The following RALGAPA1 variants were observed in gnomAD, a reference collection of about 807,000 sequenced individuals.
RALGAPA1 encodes Ral GTPase activating protein catalytic subunit alpha 1.
A neutral mutation model predicts 269.6 loss-of-function variants in RALGAPA1; 52 were observed. That is an observed-to-expected ratio of 0.19 (90% CI 0.15 to 0.24). The LOEUF is 0.24. Ranked by LOEUF, RALGAPA1 falls within the 10% of genes least tolerant of loss-of-function variation. RALGAPA1 has a pLI of 1.00. For synonymous variants in RALGAPA1, 817 were observed against 1,008.3 expected, an observed-to-expected ratio of 0.81 and a Z score of 3.60; for missense variants, 1,917 against 3,013.9, an observed-to-expected ratio of 0.64 and a Z score of 8.52.
chr14:35,710,762 A>G (rs1326631003), intron 16 of RALGAPA1, among the ~76,000 whole-genome samples: 1 of 152,148 alleles, frequency 6.6e-6, no homozygotes, highest in African/African-American at 2.4e-5. Context: ...GGATTATAAT[A>G]CTTTATTTTT....
chr14:35,589,728 T>C (rs1338877664), intron 37 of RALGAPA1, among the ~76,000 whole-genome samples: 1 of 152,148 alleles, frequency 6.6e-6, no homozygotes, highest in East Asian at 1.9e-4. Flanking sequence ...TGAGACAGTG[T>C]TTCACTCTGT....
chr14:35,697,198 G>T (rs2066970366), intron 17 of RALGAPA1, among the ~76,000 whole-genome samples: 1 of 152,120 alleles, frequency 6.6e-6, no homozygotes, highest in African/African-American at 2.4e-5. Context: ...ATGTAAACTG[G>T]TAGAAGATTA....
chr14:35,595,249 A>ATGGTATT (rs1030039310), intron 37 of RALGAPA1, among the ~76,000 whole-genome samples: 2 of 152,012 alleles, frequency 1.3e-5, no homozygotes, highest in Admixed American at 1.3e-4. Flanking sequence ...TAAAAATTGT[A>ATGGTATT]TGGTATTTGG....
chr14:35,718,703 C>A (rs2069082949), intron 16 of RALGAPA1, among the ~76,000 whole-genome samples: 1 of 152,034 alleles, frequency 6.6e-6, no homozygotes, highest in African/African-American at 2.4e-5. Context: ...GTAGTCCCAG[C>A]TACTTGGGAG....
chr14:35,766,303 C>T (rs1463455849), intron 4 of RALGAPA1: 20 of 957,148 alleles, frequency 2.1e-5, no homozygotes, highest in Non-Finnish European at 2.9e-5. Context: ...ACGGATTCTA[C>T]CACAGCACAG....
rs762035726 is a variant in RALGAPA1 at position 35,595,757 on chromosome 14, T to A, written c.7086A>T (p.Gly2362=). 1 of 1,612,566 alleles carries A rather than the reference T, an allele frequency of 6.2e-7. No homozygotes were observed. Among genetic ancestry groups the A allele is most frequent in the Non-Finnish European group, 8.5e-7 (1 of 1,179,040 alleles). ...VNLTNHCGFM[G]GLQKNKSTGL... is the part of the protein sequence containing the mutation. The stretch of plus-strand genomic sequence containing the variant: ...CAGTGCTTTTGTTTTTTTGTAGTCC[T>A]CCCATAAAACCACAATGGTTTGTAA... Residue 2362 remains glycine (G), a synonymous_variant, in exon 37 of 42, where the codon GGA becomes GGT. Coordinates refer to ENST00000680220, the MANE Select transcript of RALGAPA1 (RefSeq NM_001346249.2).
chr14:35,767,547 G>C (rs142617597), intron 4 of RALGAPA1, among the ~76,000 whole-genome samples: 2 of 151,990 alleles, frequency 1.3e-5, no homozygotes, highest in Non-Finnish European at 2.9e-5. Context: ...TTAGCCGGGC[G>C]TGGTGGCATG....
At chr14:35,682,586 G>A (rs2140361812) in intron 21 of RALGAPA1, among the ~76,000 whole-genome samples, 1 of 152,278 alleles carries the variant, frequency 6.6e-6, no homozygotes, top group South Asian at 2.1e-4. Flanking sequence ...GATTACAGGT[G>A]TGAGCCACCA....
chr14:35,595,904 A>T (rs555973875), intron 36 of RALGAPA1, 115 bp from the exon 37 acceptor site: 7 of 706,904 alleles, frequency 9.9e-6, no homozygotes, highest in African/African-American at 9.0e-5. Flanking sequence ...TTTGCATGTT[A>T]TCAACCAATA....
chr14:35,540,966 A>G (rs2053912555), intron 41 of RALGAPA1, among the ~76,000 whole-genome samples: 1 of 152,100 alleles, frequency 6.6e-6, no homozygotes, highest in South Asian at 2.1e-4. Context: ...ACAAAAACAA[A>G]AAGTTCAGTA....
intron 30 of RALGAPA1, among the ~76,000 whole-genome samples, chr14:35,652,530 G>C (rs538773732): frequency 6.6e-6 from 1 of 152,166 alleles, no homozygotes; most frequent in South Asian, 2.1e-4. Flanking sequence ...TCAGCCTCCT[G>C]AGTAGCTGGG....
At chr14:35,760,536 T>G (rs1051446086) in intron 6 of RALGAPA1, among the ~76,000 whole-genome samples, 1 of 152,218 alleles carries the variant, frequency 6.6e-6, no homozygotes, top group Non-Finnish European at 1.5e-5. Flanking sequence ...TAAAGACTCT[T>G]GCCCATGTTT....
At chr14:35,728,658 T>C (rs970091361) in intron 12 of RALGAPA1, 148 bp from the exon 13 acceptor site, 8 of 1,284,742 alleles carry the variant, frequency 6.2e-6, no homozygotes, top group Non-Finnish European at 8.0e-6. Context: ...CCTATTTTTA[T>C]GTTTACCTAG....
At chr14:35,600,318 C>T (rs893861754) in intron 36 of RALGAPA1, among the ~76,000 whole-genome samples, 1 of 147,930 alleles carries the variant, frequency 6.8e-6, no homozygotes, top group Non-Finnish European at 1.5e-5. Context: ...GTAACCTCCA[C>T]CTCCGGGACT....
intron 1 of RALGAPA1, among the ~76,000 whole-genome samples, chr14:35,797,388 T>G (rs1466012435): frequency 6.9e-6 from 1 of 145,818 alleles, no homozygotes; most frequent in East Asian, 2.1e-4. Context: ...GTAAAGACTT[T>G]TTCAGACAAA....
chr14:35,566,351 G>A (rs2056703949), intron 39 of RALGAPA1, among the ~76,000 whole-genome samples: 1 of 151,976 alleles, frequency 6.6e-6, no homozygotes, highest in Admixed American at 6.6e-5. Context: ...TTAGATTCAT[G>A]GTTTCAGAAC....
chr14:35,769,375 T>C (rs2074449966), intron 4 of RALGAPA1, among the ~76,000 whole-genome samples: 1 of 152,066 alleles, frequency 6.6e-6, no homozygotes, highest in Non-Finnish European at 1.5e-5. Flanking sequence ...TCATATACTC[T>C]CATTTGTAAG....
At chr14:35,675,088 A>G (rs1357865500) in intron 22 of RALGAPA1, among the ~76,000 whole-genome samples, 1 of 152,228 alleles carries the variant, frequency 6.6e-6, no homozygotes. Flanking sequence ...GGAAAACCTC[A>G]GGCTAAAGGC....
intron 6 of RALGAPA1, among the ~76,000 whole-genome samples, chr14:35,758,153 G>A (rs934154034): frequency 4.8e-5 from 7 of 147,004 alleles, no homozygotes; most frequent in African/African-American, 1.8e-4. Context: ...TTTGGAGCAC[G>A]AGAATCGCTT....
Sources: gnomAD v4.1 joint callset for allele counts (sites outside exome capture counted in the v4.1 genomes callset) on GRCh38, gnomAD v4.1.1 for gene constraint, MANE v1.5 for transcripts, NCBI Gene and HGNC (gene_info 2026-07-23, HGNC 2026-07-21) for gene names.